Variants in SLIT3 observed in about 807,000 individuals in gnomAD.
SLIT3 encodes slit homolog 3 protein.
SLIT3 carries 68 observed loss-of-function variants against 184.0 expected under a neutral mutation model. That is an observed-to-expected ratio of 0.37 (90% CI 0.30 to 0.45). The LOEUF is 0.45. SLIT3 is among the 20% of genes least tolerant of loss of function. The pLI, the probability that SLIT3 is intolerant of heterozygous loss-of-function variation, is 1.00. For synonymous variants in SLIT3, 831 were observed against 828.6 expected (o/e 1.00, Z -0.05); for missense variants, 1,707 against 2,026.0 (o/e 0.84, Z 3.02).
At chr5:169,096,726 C>T (rs560484726) in intron 4 of SLIT3, among the ~76,000 whole-genome samples, 6 of 152,272 alleles carry the variant, frequency 3.9e-5, no homozygotes, top group South Asian at 4.1e-4. Context: ...TGTAGCCCAT[C>T]GCTATGGGCA....
intron 5 of SLIT3, among the ~76,000 whole-genome samples, chr5:168,849,015 A>C (rs892447457): frequency 2.0e-5 from 3 of 152,202 alleles, no homozygotes; most frequent in African/African-American, 4.8e-5. Context: ...ATCTCCCAAC[A>C]GTAACCAAAA....
chr5:169,031,346 T>C (rs1024301521), intron 4 of SLIT3, among the ~76,000 whole-genome samples: 1 of 152,112 alleles, frequency 6.6e-6, no homozygotes, highest in Admixed American at 6.5e-5. Flanking sequence ...AGAAAAAAAA[T>C]ATGGAGGTGA....
intron 4 of SLIT3, among the ~76,000 whole-genome samples, chr5:168,916,383 C>T (rs1369231193): frequency 1.3e-5 from 2 of 152,224 alleles, no homozygotes; most frequent in Admixed American, 6.5e-5. Flanking sequence ...GGAGGTGCTT[C>T]GCTCTGCAAG....
intron 3 of SLIT3, among the ~76,000 whole-genome samples, chr5:169,236,605 G>A (rs2113563286): frequency 6.6e-6 from 1 of 151,990 alleles, no homozygotes; most frequent in Non-Finnish European, 1.5e-5. Context: ...TGAGTAGCTG[G>A]GACTATAGGC....
chr5:168,683,836 C>T, intron 32 of SLIT3, 130 bp downstream of exon 32: 6 of 815,212 alleles, frequency 7.4e-6, no homozygotes, highest in Non-Finnish European at 3.5e-6. Context: ...TGTGTGTGCG[C>T]ACATGTGCGT....
At chr5:168,994,733 C>T in intron 4 of SLIT3, among the ~76,000 whole-genome samples, 1 of 145,748 alleles carries the variant, frequency 6.9e-6, no homozygotes. Context: ...GCAACCTCCA[C>T]CTCCCAGGTT....
intron 12 of SLIT3, among the ~76,000 whole-genome samples, chr5:168,775,418 G>A (rs1260283098): frequency 6.6e-6 from 1 of 152,060 alleles, no homozygotes; most frequent in African/African-American, 2.4e-5. Flanking sequence ...TTTCAGCAGG[G>A]CTGCCTTCTT....
intron 28 of SLIT3, among the ~76,000 whole-genome samples, chr5:168,695,362 A>G (rs1762026480): frequency 6.6e-6 from 1 of 152,210 alleles, no homozygotes; most frequent in African/African-American, 2.4e-5. Context: ...GAGATCAGAT[A>G]AGTTTGGGAA....
chr5:169,041,128 A>T (rs1450145758), intron 4 of SLIT3, among the ~76,000 whole-genome samples: 2 of 152,226 alleles, frequency 1.3e-5, no homozygotes, highest in African/African-American at 4.8e-5. Context: ...ATATCATTCA[A>T]ATCAATTCTG....
chr5:168,772,709 T>C (rs1289127513), intron 14 of SLIT3, 72 bp downstream of exon 14: 1 of 1,535,282 alleles, frequency 6.5e-7, no homozygotes, highest in Admixed American at 1.7e-5. Flanking sequence ...TCCTCCAGAT[T>C]GGATTATTGG....
intron 4 of SLIT3, among the ~76,000 whole-genome samples, chr5:169,009,154 G>T (rs1756045671): frequency 6.6e-6 from 1 of 152,154 alleles, no homozygotes; most frequent in East Asian, 1.9e-4. Flanking sequence ...AGAGCACAAA[G>T]CAAGTGCACA....
At chr5:168,976,537 G>A (rs1037021378) in intron 4 of SLIT3, among the ~76,000 whole-genome samples, 24 of 152,068 alleles carry the variant, frequency 1.6e-4, no homozygotes, top group Admixed American at 3.9e-4. Context: ...AACTAGCCTC[G>A]CTCCCAAATG....
intron 14 of SLIT3, among the ~76,000 whole-genome samples, chr5:168,765,672 C>T (rs1310391808): frequency 6.6e-6 from 1 of 152,180 alleles, no homozygotes; most frequent in African/African-American, 2.4e-5. Flanking sequence ...TTTGTCACTG[C>T]CAGAAATACT....
At chr5:169,003,220 T>C (rs1667812073) in intron 4 of SLIT3, among the ~76,000 whole-genome samples, 1 of 152,238 alleles carries the variant, frequency 6.6e-6, no homozygotes, top group Non-Finnish European at 1.5e-5. Context: ...AAACTTTGCA[T>C]ATCATTTCAA....
chr5:168,876,164 G>C (rs1193606778), intron 5 of SLIT3, among the ~76,000 whole-genome samples: 1 of 152,056 alleles, frequency 6.6e-6, no homozygotes, highest in Admixed American at 6.5e-5. Context: ...CCCCCACCCA[G>C]CTAGCCCCTG....
chr5:169,300,886 C>T lies in SLIT3; in HGVS notation c.-177G>A. ...CGCGGGCGGAGCGGGGCGCTCCGGG[C>T]GGCGGCGGCGGCAGCAACAGCAGCT... On this transcript the variant is annotated 5_prime_UTR_variant, in exon 1 of 36. Transcript: ENST00000519560. This position sits in a 1 kb window ranked among gnomAD's most constrained non-coding sequence, Gnocchi z 4.1. 1 of 395,652 alleles carries T rather than the reference C, an allele frequency of 2.5e-6. No individual in the cohort carries two copies. Among genetic ancestry groups the T allele is most frequent in the Non-Finnish European group, 3.9e-6 (1 of 253,182 alleles). The allele number at this position is 395,652 out of a possible 1,614,324, so 24.5% of individuals were successfully genotyped here.
chr5:168,918,566 C>T (rs1206532151), intron 4 of SLIT3, among the ~76,000 whole-genome samples: 3 of 152,286 alleles, frequency 2.0e-5, no homozygotes, highest in East Asian at 1.9e-4. Flanking sequence ...AACTTCCTTG[C>T]ACTTGCCATT....
At chr5:168,781,505 G>C (rs1239413939) in intron 12 of SLIT3, among the ~76,000 whole-genome samples, 1 of 152,172 alleles carries the variant, frequency 6.6e-6, no homozygotes, top group Non-Finnish European at 1.5e-5. Context: ...GCATCGCCAA[G>C]TCAGTCTGCT....
intron 4 of SLIT3, among the ~76,000 whole-genome samples, chr5:169,169,657 C>T (rs2113413680): frequency 6.6e-6 from 1 of 152,300 alleles, no homozygotes; most frequent in Non-Finnish European, 1.5e-5. Flanking sequence ...AATTGCTGCT[C>T]AGTTCAGATG....
Sources: allele counts gnomAD v4.1 joint callset (sites outside exome capture counted in the v4.1 genomes callset), GRCh38; gene constraint gnomAD v4.1.1; non-coding constraint Gnocchi (gnomAD v3.1); transcripts MANE v1.5; gene names NCBI Gene and HGNC (gene_info 2026-07-23, HGNC 2026-07-21).